Variants in SLC12A2 observed in about 807,000 individuals in gnomAD.
The protein encoded by SLC12A2 is Na-K-2Cl cotransporter 1.
A neutral mutation model predicts 136.3 loss-of-function variants in SLC12A2; 67 were observed. The observed-to-expected ratio is 0.49, with a 90% confidence interval of 0.40 to 0.60. The LOEUF (loss-of-function observed/expected upper bound fraction) is 0.60. SLC12A2 is among the 20% of genes least tolerant of loss of function. The pLI is 0.00. For synonymous variants in SLC12A2, 619 were observed against 562.9 expected (o/e 1.10, Z -1.41); for missense variants, 1,322 against 1,534.7 (o/e 0.86, Z 2.32).
intron 17 of SLC12A2, among the ~76,000 whole-genome samples, chr5:128,164,509 G>A (rs1652270347): frequency 6.6e-6 from 1 of 152,140 alleles, no homozygotes; most frequent in Admixed American, 6.5e-5. Flanking sequence ...ATAGGTGCCG[G>A]TTGCCTCTGT....
intron 25 of SLC12A2, 49 bp downstream of exon 25, chr5:128,184,550 A>C: frequency 6.8e-7 from 1 of 1,470,296 alleles, no homozygotes; most frequent in Non-Finnish European, 9.1e-7. Context: ...AATAAAAGAC[A>C]TGAAAACCAA....
intron 1 of SLC12A2, among the ~76,000 whole-genome samples, chr5:128,098,716 C>G (rs1287425805): frequency 6.6e-6 from 1 of 152,046 alleles, no homozygotes; most frequent in Non-Finnish European, 1.5e-5. Flanking sequence ...ACTCCTCTCC[C>G]CATACAATAG....
chr5:128,164,382 CT>C (rs1170430823), intron 17 of SLC12A2, among the ~76,000 whole-genome samples: 5 of 152,148 alleles, frequency 3.3e-5, no homozygotes, highest in Admixed American at 2.0e-4. Context: ...CATGACAACT[CT>C]ATCAGTGTGG....
intron 4 of SLC12A2, among the ~76,000 whole-genome samples, chr5:128,124,158 A>T (rs1719518743): frequency 6.6e-6 from 1 of 152,158 alleles, no homozygotes; most frequent in African/African-American, 2.4e-5. Flanking sequence ...AACACCATTC[A>T]TGAAGTTCTG....
At chr5:128,103,064 A>G (rs968739586) in intron 1 of SLC12A2, among the ~76,000 whole-genome samples, 1 of 152,228 alleles carries the variant, frequency 6.6e-6, no homozygotes, top group African/African-American at 2.4e-5. Flanking sequence ...TTATACGAGT[A>G]TCTTGCTTCA....
At chr5:128,151,424 A>G in intron 14 of SLC12A2, 28 bp downstream of exon 14, 1 of 1,585,252 alleles carries the variant, frequency 6.3e-7, no homozygotes, top group Non-Finnish European at 8.6e-7. Flanking sequence ...TTTATATCCC[A>G]AGCTAGAAAA....
intron 1 of SLC12A2, among the ~76,000 whole-genome samples, chr5:128,088,151 G>A (rs539685290): frequency 1.3e-5 from 2 of 152,028 alleles, no homozygotes; most frequent in South Asian, 2.1e-4. Context: ...AGAAAATAGG[G>A]TCTGGCATTG....
intron 4 of SLC12A2, among the ~76,000 whole-genome samples, chr5:128,120,949 CGT>C (rs1429578400): frequency 2.6e-5 from 4 of 151,882 alleles, no homozygotes; most frequent in Non-Finnish European, 4.4e-5. Context: ...TGAATTATAA[CGT>C]GTTTATATTT....
chr5:128,112,953 AT>A lies in SLC12A2; in HGVS notation c.876+24del. 1 of 1,557,452 alleles carries A rather than the reference AT, an allele frequency of 6.4e-7. No homozygotes were observed. The highest frequency in any genetic ancestry group is 8.6e-7 in the Non-Finnish European group (1 of 1,156,570). ...GTATTAGTATGTATATATAGACTTA[AT>A]TTTATAGTTACAGCATATCTGTTGG... On this transcript the variant is annotated intron_variant, in intron 2 of 26. Transcript: ENST00000262461.
Position 128,084,353 on chromosome 5 carries a change from G to A in SLC12A2, c.399G>A (p.Glu133=), listed in dbSNP as rs1286598660. The stretch of plus-strand genomic sequence containing the variant: ...AGAGCGAGCCGGCTAAAGGCAGCGA[G>A]GAAGCCAAGGGCCGCTTCCGCGTGA... The part of the protein sequence containing the change: ...SGESEPAKGS[E]EAKGRFRVNF... Residue 133 remains glutamate, a synonymous_variant, in exon 1 of 27, where the codon GAG becomes GAA. Coordinates refer to ENST00000262461, the MANE Select transcript of SLC12A2 (RefSeq NM_001046.3). The surrounding 1 kb of genome is among the most constrained non-coding windows in gnomAD (Gnocchi z 5.6). 7 of 1,594,340 alleles carry A rather than the reference G, an allele frequency of 4.4e-6. No homozygotes were observed. The highest frequency in any genetic ancestry group is 1.3e-5 in the African/African-American group (1 of 74,804).
At chr5:128,087,995 G>A (rs138246227) in intron 1 of SLC12A2, among the ~76,000 whole-genome samples, 36 of 144,248 alleles carry the variant, frequency 2.5e-4, no homozygotes, top group Non-Finnish European at 1.5e-5. Flanking sequence ...TCCAAGAGTC[G>A]TGGAGGAGGC....
At chr5:128,100,583 T>C (rs1417143251) in intron 1 of SLC12A2, among the ~76,000 whole-genome samples, 1 of 152,170 alleles carries the variant, frequency 6.6e-6, no homozygotes, top group Non-Finnish European at 1.5e-5. Context: ...ATCAAATTCC[T>C]GTGAGAAATA....
In SLC12A2 at chr5:128,161,715, G is replaced by A. The variant is rs144463493; in HGVS notation, c.2531G>A (p.Arg844Gln). The change falls in exon 17 of 27, where the codon CGA (arginine) becomes CAA (glutamine). Residue 844 changes from arginine to glutamine, a missense_variant. This residue lies in a region of SLC12A2 where 294 missense variants were observed against 436.6 expected (regional missense o/e 0.67). Transcript: ENST00000262461. Reference sequence around the variant, plus strand: ...TCCATCGATCAAGCCAAATATCAGCGATGGCTTATTAAGAACAAAATGAAG... The same window carrying A: ...TCCATCGATCAAGCCAAATATCAGCAATGGCTTATTAAGAACAAAATGAAG... ...EMSIDQAKYQ[R>Q]WLIKNKMKAF... 4.8e-5 allele frequency: 73 copies of A among 1,533,908 alleles called. No individual in the cohort carries two copies. The highest frequency in any genetic ancestry group is 6.0e-5 in the Non-Finnish European group (68 of 1,142,282).
Position 128,182,443 on chromosome 5 carries a change from T to C in SLC12A2, c.3213-412T>C, listed in dbSNP as rs180958746. Among the ~76,000 whole-genome samples the C allele has an allele frequency of 1.6e-3, 251 of 152,182 alleles. 1 individual carries two copies. Among genetic ancestry groups the C allele is most frequent in the African/African-American group, 4.9e-3 (204 of 41,542 alleles). ...CTATATCTTCAGTATGGCCCACAGG[T>C]CATATTTGGGCCCTGAGATAAGTGT... is the stretch of plus-strand genomic sequence containing the variant. On this transcript the variant is annotated intron_variant, in intron 23 of 26. Coordinates refer to ENST00000262461, the MANE Select transcript of SLC12A2 (RefSeq NM_001046.3).
intron 1 of SLC12A2, among the ~76,000 whole-genome samples, chr5:128,090,451 A>G (rs1345449981): frequency 6.6e-6 from 1 of 152,214 alleles, no homozygotes; most frequent in African/African-American, 2.4e-5. Context: ...AGTCTATAGT[A>G]TAGTCCTATG....
rs554562806 is a variant in SLC12A2 at position 128,088,291 on chromosome 5, G to A, written c.756+3581G>A. On this transcript the variant is annotated intron_variant, in intron 1 of 26. Transcript: ENST00000262461. Reference sequence around the variant, plus strand: ...GGGAAGCTGAGAGAAAAGAGTTTTTGGAAAGGCAGAAACTCTTCAAAGCTG... The same window carrying A: ...GGGAAGCTGAGAGAAAAGAGTTTTTAGAAAGGCAGAAACTCTTCAAAGCTG... 3.9e-5 allele frequency among the ~76,000 whole-genome samples: 6 copies of A among 152,106 alleles called. 1 individual carries two copies. The South Asian group carries it at 1.2e-3, about 32-fold the overall frequency.
chr5:128,136,728 C>G (rs1342497286), intron 7 of SLC12A2, among the ~76,000 whole-genome samples: 1 of 152,062 alleles, frequency 6.6e-6, no homozygotes, highest in Non-Finnish European at 1.5e-5. Context: ...CCTGTTACCC[C>G]CTTTAAATGC....
chr5:128,184,615 T>C (rs1257786203), intron 25 of SLC12A2, 114 bp downstream of exon 25: 2 of 1,317,924 alleles, frequency 1.5e-6, no homozygotes, highest in Non-Finnish European at 2.1e-6. Context: ...TACTTTAAAA[T>C]AGATTTATTT....
intron 1 of SLC12A2, chr5:128,110,455 TAGAA>T (rs1270151991): frequency 5.6e-6 from 7 of 1,250,630 alleles, no homozygotes; most frequent in Middle Eastern, 3.7e-4. Flanking sequence ...TTAAACTCAG[TAGAA>T]ACACCCTGAA....
Sources: gnomAD v4.1 joint callset for allele counts (sites outside exome capture counted in the v4.1 genomes callset) on GRCh38, gnomAD v4.1.1 for gene constraint, gnomAD v4.1.1 regional missense constraint, Gnocchi (gnomAD v3.1) non-coding constraint, MANE v1.5 for transcripts, NCBI Gene and HGNC (gene_info 2026-07-23, HGNC 2026-07-21) for gene names.